The following CDC14A variants were observed in gnomAD, a reference collection of about 807,000 sequenced individuals.
CDC14A encodes the protein dual specificity protein phosphatase CDC14A.
In CDC14A, 53 loss-of-function variants were observed where a neutral mutation model predicts 74.4. The observed-to-expected ratio is 0.71, with a 90% CI of 0.57 to 0.89. The LOEUF (loss-of-function observed/expected upper bound fraction) is 0.89, where lower values mean the gene tolerates loss of function less well. Ranked by LOEUF, CDC14A falls within the 40% of genes least tolerant of loss-of-function variation. The pLI, the probability that CDC14A is intolerant of heterozygous loss-of-function variation, is 0.00. For missense variants in CDC14A, 646 were observed against 713.7 expected (o/e 0.91, Z 1.08); for synonymous variants, 247 against 258.4 (o/e 0.96, Z 0.43).
intron 1 of CDC14A, 59 bp downstream of exon 1, chr1:100,353,062 C>T: frequency 5.7e-6 from 9 of 1,567,252 alleles, no homozygotes; most frequent in Non-Finnish European, 7.9e-6. Context: ...CTTCACTTCC[C>T]GCGCCACTGT....
chr1:100,374,023 C>T (rs1038827599), intron 2 of CDC14A, among the ~76,000 whole-genome samples: 1 of 152,060 alleles, frequency 6.6e-6, no homozygotes, highest in African/African-American at 2.4e-5. Flanking sequence ...TCTCATTGTT[C>T]AATTTCCACC....
At chr1:100,490,170 C>T (rs752840113) in intron 11 of CDC14A, among the ~76,000 whole-genome samples, 2 of 152,166 alleles carry the variant, frequency 1.3e-5, no homozygotes, top group Non-Finnish European at 2.9e-5. Flanking sequence ...TACATCTTAT[C>T]GGATCAATCC....
At chr1:100,396,290 G>A (rs1484855665) in intron 4 of CDC14A, among the ~76,000 whole-genome samples, 1 of 152,152 alleles carries the variant, frequency 6.6e-6, no homozygotes, top group African/African-American at 2.4e-5. Flanking sequence ...TGGCCAGTGT[G>A]GAGTGGAGTG....
At chr1:100,387,027 A>T (rs1462147472) in intron 3 of CDC14A, among the ~76,000 whole-genome samples, 1 of 147,742 alleles carries the variant, frequency 6.8e-6, no homozygotes, top group Non-Finnish European at 1.5e-5. Context: ...TTTTTTTTTT[A>T]AATCAGCCCA....
At chr1:100,369,370 G>A (rs1045532998) in intron 2 of CDC14A, among the ~76,000 whole-genome samples, 1 of 152,200 alleles carries the variant, frequency 6.6e-6, no homozygotes, top group African/African-American at 2.4e-5. Flanking sequence ...GCCTCCCAAA[G>A]TGCTGGAATT....
At chr1:100,402,444 G>T (rs1557720118) in intron 4 of CDC14A, among the ~76,000 whole-genome samples, 1 of 152,104 alleles carries the variant, frequency 6.6e-6, no homozygotes, top group South Asian at 2.1e-4. Context: ...GAAAAATGAG[G>T]TTATTTGGCT....
intron 4 of CDC14A, among the ~76,000 whole-genome samples, chr1:100,411,067 C>T (rs1482347452): frequency 1.3e-5 from 2 of 152,146 alleles, no homozygotes; most frequent in East Asian, 1.9e-4. Context: ...GAAGATCTCT[C>T]CCTGACCTAC....
chr1:100,346,172 A>AAAAACAAAAC (rs543442385), intron 1 of CDC14A, among the ~76,000 whole-genome samples: 1 of 152,126 alleles, frequency 6.6e-6, no homozygotes, highest in African/African-American at 2.4e-5. Flanking sequence ...ACTCCATCTC[A>AAAAACAAAAC]AAAACAAAAC....
At chr1:100,452,529 T>A (rs1666251115) in intron 7 of CDC14A, among the ~76,000 whole-genome samples, 1 of 152,102 alleles carries the variant, frequency 6.6e-6, no homozygotes, top group Non-Finnish European at 1.5e-5. Context: ...AAAAAGGAAT[T>A]GTAAAAATTC....
At chr1:100,420,106 G>T (rs1662178265) in intron 4 of CDC14A, among the ~76,000 whole-genome samples, 7 of 79,458 alleles carry the variant, frequency 8.8e-5, no homozygotes, top group East Asian at 3.6e-4. Context: ...TGTGTGTTAT[G>T]CTTTGCTGAA....
At chr1:100,470,948 A>G (rs1249770435) in intron 10 of CDC14A, among the ~76,000 whole-genome samples, 3 of 152,200 alleles carry the variant, frequency 2.0e-5, no homozygotes, top group Non-Finnish European at 2.9e-5. Flanking sequence ...GGGAAATGGA[A>G]ACATTTGTCT....
At chr1:100,379,669 A>C (rs1277102772) in intron 3 of CDC14A, among the ~76,000 whole-genome samples, 1 of 152,336 alleles carries the variant, frequency 6.6e-6, no homozygotes, top group South Asian at 2.1e-4. Flanking sequence ...TTGCATTGCT[A>C]TAAAGGAATA....
chr1:100,456,428 T>A (rs1666691203), intron 8 of CDC14A, among the ~76,000 whole-genome samples: 2 of 127,416 alleles, frequency 1.6e-5, no homozygotes, highest in Non-Finnish European at 1.6e-5. Flanking sequence ...GAACAAAATA[T>A]CCCCCCCCCT....
At chr1:100,414,343 G>A (rs1003529118) in intron 4 of CDC14A, among the ~76,000 whole-genome samples, 1 of 152,034 alleles carries the variant, frequency 6.6e-6, no homozygotes, top group African/African-American at 2.4e-5. Flanking sequence ...ACAAAAAACC[G>A]CATATTATCT....
At chr1:100,500,752 A>G (rs994006259) in intron 15 of CDC14A, among the ~76,000 whole-genome samples, 11 of 149,150 alleles carry the variant, frequency 7.4e-5, no homozygotes, top group African/African-American at 2.7e-4. Context: ...TCAAAAAAAA[A>G]AAAAAAAAAA....
At chr1:100,431,678 CA>C (rs999779817) in intron 5 of CDC14A, among the ~76,000 whole-genome samples, 45 of 143,194 alleles carry the variant, frequency 3.1e-4, no homozygotes, top group African/African-American at 1.1e-3. Flanking sequence ...CTGGTCTCTA[CA>C]AAAAAAAAAT....
At chr1:100,399,980 G>A (rs948275976) in intron 4 of CDC14A, among the ~76,000 whole-genome samples, 5 of 152,272 alleles carry the variant, frequency 3.3e-5, no homozygotes, top group South Asian at 2.1e-4. Flanking sequence ...GACCTTTCCT[G>A]CTGTTACTCA....
At chr1:100,392,239 T>C (rs1174154992) in intron 4 of CDC14A, among the ~76,000 whole-genome samples, 1 of 152,236 alleles carries the variant, frequency 6.6e-6, no homozygotes, top group Non-Finnish European at 1.5e-5. Context: ...GAATATTTTT[T>C]ACCTTACATT....
chr1:100,445,971 A>G (rs192734124), intron 7 of CDC14A, among the ~76,000 whole-genome samples: 7 of 152,358 alleles, frequency 4.6e-5, no homozygotes, highest in African/African-American at 1.4e-4. Flanking sequence ...GAATAAATGA[A>G]TAAAGGAACT....
Sources: allele counts gnomAD v4.1 joint callset (sites outside exome capture counted in the v4.1 genomes callset), GRCh38; gene constraint gnomAD v4.1.1; transcripts MANE v1.5; gene names NCBI Gene and HGNC (gene_info 2026-07-23, HGNC 2026-07-21).